Variants in RALYL observed in about 807,000 individuals in gnomAD.
The protein encoded by RALYL is RALY RNA binding protein like.
RALYL carries 29 observed loss-of-function variants against 35.1 expected under a neutral mutation model. That is an observed-to-expected ratio of 0.83 (90% confidence interval 0.61 to 1.13). The LOEUF is 1.13. Among genes scored for constraint, RALYL ranks in the 50% most tolerant of loss-of-function variants. The pLI, the probability that RALYL is intolerant of heterozygous loss-of-function variation, is 0.00. For missense variants in RALYL, 359 were observed against 360.4 expected, an observed-to-expected ratio of 1.00 and a Z score of 0.03; for synonymous variants, 120 against 127.6, an observed-to-expected ratio of 0.94 and a Z score of 0.40.
At chr8:84,594,985 G>A (rs1814144029) in intron 2 of RALYL, among the ~76,000 whole-genome samples, 1 of 152,054 alleles carries the variant, frequency 6.6e-6, no homozygotes, top group Admixed American at 6.6e-5. Context: ...GAGTATGGAT[G>A]TTAGAGCAAA....
chr8:84,478,111 G>A (rs1376118770), intron 1 of RALYL, among the ~76,000 whole-genome samples: 2 of 151,950 alleles, frequency 1.3e-5, no homozygotes, highest in Non-Finnish European at 2.9e-5. Flanking sequence ...GTCAATAAAA[G>A]CCTTTGTGAT....
chr8:84,402,653 G>A (rs2043030120), intron 1 of RALYL, among the ~76,000 whole-genome samples: 1 of 152,058 alleles, frequency 6.6e-6, no homozygotes. Flanking sequence ...CCTGCCATAT[G>A]TCAGTAGTGA....
chr8:84,700,522 C>G (rs1481987237), intron 2 of RALYL, among the ~76,000 whole-genome samples: 1 of 152,006 alleles, frequency 6.6e-6, no homozygotes, highest in African/African-American at 2.4e-5. Context: ...TAGCAACAGT[C>G]AAGAATAAAG....
intron 1 of RALYL, among the ~76,000 whole-genome samples, chr8:84,487,517 A>T (rs1200676828): frequency 1.3e-5 from 2 of 152,064 alleles, no homozygotes; most frequent in African/African-American, 4.8e-5. Flanking sequence ...AAAGTATTAG[A>T]TTTGTTGCCA....
rs141999808 is a variant in RALYL, at chr8:84,476,922, G to C, written c.-23-52377G>C. 1.9e-4 allele frequency among the ~76,000 whole-genome samples: 29 copies of C among 152,250 alleles called. No homozygotes were observed. The East Asian group carries it at 5.2e-3, about 27-fold the overall frequency. On this transcript the variant is annotated intron_variant, in intron 1 of 8. Coordinates refer to ENST00000521268, the MANE Select transcript of RALYL (RefSeq NM_173848.7). ...ATACATTCATAGCAAAACAGACTCTGTTATATCAGATTTTTATGTGGTAAT... is the reference window on the plus strand; with the variant it reads ...ATACATTCATAGCAAAACAGACTCTCTTATATCAGATTTTTATGTGGTAAT...
At chr8:84,196,076 A>AT (rs1815193401) in intron 1 of RALYL, among the ~76,000 whole-genome samples, 1 of 152,184 alleles carries the variant, frequency 6.6e-6, no homozygotes, top group African/African-American at 2.4e-5. Context: ...ATGCTTTTAG[A>AT]TTTTTTACAA....
At chr8:84,786,476 C>G (rs774588299) in intron 3 of RALYL, among the ~76,000 whole-genome samples, 2 of 152,136 alleles carry the variant, frequency 1.3e-5, no homozygotes, top group Non-Finnish European at 2.9e-5. Flanking sequence ...TTCTCCACAG[C>G]CTCGCCAGCA....
rs774485504 is a variant in RALYL at position 84,517,382 on chromosome 8, A to G, written c.-23-11917A>G. 5.3e-5 allele frequency among the ~76,000 whole-genome samples: 8 copies of G among 152,198 alleles called. No individual in the cohort carries two copies. The South Asian group carries it at 6.2e-4, about 12-fold the overall frequency. ...AAGGAAAGATACCTGTAGAATCACA[A>G]CTGCTCCTGAGTACAAGGTAAATAT... On this transcript the variant is annotated intron_variant, in intron 1 of 8. Transcript: ENST00000521268.
At chr8:84,695,255 C>G (rs182473614) in intron 2 of RALYL, among the ~76,000 whole-genome samples, 3 of 151,670 alleles carry the variant, frequency 2.0e-5, no homozygotes, top group South Asian at 4.1e-4. Flanking sequence ...GTCATGGGCA[C>G]CAACTCACAA....
chr8:84,326,583 T>A (rs1845835728), intron 1 of RALYL, among the ~76,000 whole-genome samples: 1 of 152,220 alleles, frequency 6.6e-6, no homozygotes, highest in African/African-American at 2.4e-5. Flanking sequence ...GGAATATTTT[T>A]AAATAACATT....
intron 1 of RALYL, among the ~76,000 whole-genome samples, chr8:84,360,970 A>G (rs991975564): frequency 3.3e-5 from 5 of 151,868 alleles, no homozygotes; most frequent in Non-Finnish European, 7.4e-5. Context: ...AAGAAAAAAA[A>G]AAAAAAAGAA....
At chr8:84,701,937 GAA>G (rs948615317) in intron 2 of RALYL, among the ~76,000 whole-genome samples, 1 of 151,052 alleles carries the variant, frequency 6.6e-6, no homozygotes, top group Non-Finnish European at 1.5e-5. Flanking sequence ...TGTCTCTGGA[GAA>G]ATATTAGCCA....
chr8:84,731,415 G>T (rs559908600), intron 2 of RALYL, among the ~76,000 whole-genome samples: 7 of 152,230 alleles, frequency 4.6e-5, no homozygotes, highest in Non-Finnish European at 1.0e-4. Context: ...CTATTTTGGG[G>T]TACAGAGAGG....
intron 1 of RALYL, among the ~76,000 whole-genome samples, chr8:84,469,059 A>G (rs1393820859): frequency 1.3e-5 from 2 of 151,954 alleles, no homozygotes; most frequent in East Asian, 1.9e-4. Context: ...ATTTTTTTTC[A>G]AAGTTTTCAA....
chr8:84,802,848 A>G (rs1197340881), intron 3 of RALYL, among the ~76,000 whole-genome samples: 1 of 152,148 alleles, frequency 6.6e-6, no homozygotes, highest in Non-Finnish European at 1.5e-5. Context: ...AGAATTTCGG[A>G]GAGACTAACT....
At chr8:84,250,147 G>T (rs1185943054) in intron 1 of RALYL, among the ~76,000 whole-genome samples, 1 of 151,844 alleles carries the variant, frequency 6.6e-6, no homozygotes, top group Non-Finnish European at 1.5e-5. Flanking sequence ...GGGAAACAGA[G>T]GCTTCATAGC....
intron 1 of RALYL, among the ~76,000 whole-genome samples, chr8:84,235,690 T>C (rs553342963): frequency 1.3e-5 from 2 of 152,238 alleles, no homozygotes; most frequent in South Asian, 2.1e-4. Context: ...ACTATGTTAC[T>C]AATTCAAAGA....
chr8:84,572,424 T>C (rs544556861), intron 2 of RALYL, among the ~76,000 whole-genome samples: 85 of 151,870 alleles, frequency 5.6e-4, no homozygotes, highest in Non-Finnish European at 9.7e-4. Context: ...TTTATGATGG[T>C]GAGTATTATC....
At chr8:84,350,157 G>A (rs751075390) in intron 1 of RALYL, among the ~76,000 whole-genome samples, 3 of 150,440 alleles carry the variant, frequency 2.0e-5, no homozygotes, top group South Asian at 2.1e-4. Context: ...ATGGCTTTTC[G>A]TAAGACACTG....
Sources: gnomAD v4.1 joint callset for allele counts (sites outside exome capture counted in the v4.1 genomes callset) on GRCh38, gnomAD v4.1.1 for gene constraint, MANE v1.5 for transcripts, NCBI Gene and HGNC (gene_info 2026-07-23, HGNC 2026-07-21) for gene names.